Variants in AHNAK2 observed in about 807,000 individuals in gnomAD.
AHNAK2 encodes protein AHNAK2.
Under a neutral mutation model 30.7 loss-of-function variants are expected in AHNAK2, and 18 were observed. The observed-to-expected ratio is 0.59, with a 90% CI of 0.41 to 0.87. The LOEUF (loss-of-function observed/expected upper bound fraction) is 0.87, where lower values mean the gene tolerates loss of function less well. Ranked by LOEUF, AHNAK2 falls within the 40% of genes least tolerant of loss-of-function variation. The pLI is 0.00. For missense variants in AHNAK2, 8,604 were observed against 7,373.0 expected (o/e 1.17, Z -6.11); for synonymous variants, 3,590 against 3,073.8 (o/e 1.17, Z -5.56).
rs1897863273 is a variant in AHNAK2, at chr14:104,938,095, T to C, written c.17356A>G (p.Lys5786Glu). The part of the protein sequence containing the change: ...EQDRKADDES[K>E]GSGLGPNEG The stretch of plus-strand genomic sequence containing the variant: ...TCATTTGGTCCCAGGCCTGACCCTT[T>C]GCTTTCATCGTCAGCTTTTCTGTCC... The change falls in exon 7 of 7, where the codon AAA becomes GAA. Residue 5786 changes from lysine (K) to glutamate (E), a missense_variant. Lys to Glu is a moderately conservative substitution (Grantham distance 56). Coordinates refer to ENST00000333244, the MANE Select transcript of AHNAK2 (RefSeq NM_138420.4). The C allele has an allele frequency of 4.3e-6, 7 of 1,613,996 alleles. No homozygotes were observed. Among genetic ancestry groups the C allele is most frequent in the Non-Finnish European group, 5.9e-6 (7 of 1,179,874 alleles).
At position 104,969,600 on chromosome 14, in the gene AHNAK2, G is replaced by A. The variant is rs879639389; in HGVS notation, c.55+8583C>T. ...AAATGCTAGTGCAGGCAGTGCATGG[G>A]AAAAAGGAAGGAGCTTGTCAGATCT... On this transcript the variant is annotated intron_variant, in intron 1 of 6. Transcript: ENST00000333244. 2.2e-4 allele frequency among the ~76,000 whole-genome samples: 34 copies of A among 152,212 alleles called. 1 individual carries two copies. Among genetic ancestry groups the A allele is most frequent in the Admixed American group, 1.2e-3 (19 of 15,286 alleles).
intron 1 of AHNAK2, among the ~76,000 whole-genome samples, chr14:104,968,827 G>A (rs745707669): frequency 1.6e-4 from 24 of 152,214 alleles, no homozygotes; most frequent in East Asian, 5.8e-4. Context: ...GTGCTAGGGC[G>A]TGTGTGCACT....
At chr14:104,974,707 A>C (rs1463510980) in intron 1 of AHNAK2, among the ~76,000 whole-genome samples, 1 of 152,206 alleles carries the variant, frequency 6.6e-6, no homozygotes, top group Admixed American at 6.5e-5. Context: ...GAGACCCAGA[A>C]GGATGGGTGA....
intron 1 of AHNAK2, among the ~76,000 whole-genome samples, chr14:104,974,519 C>A (rs1277987650): frequency 2.0e-5 from 3 of 152,248 alleles, no homozygotes; most frequent in African/African-American, 7.2e-5. Flanking sequence ...TTTTTCATGA[C>A]CAGTCCCGGT....
In AHNAK2 at chr14:104,952,928, TG is replaced by T; in HGVS notation, c.2522del (p.Pro841HisfsTer27). ...TGCCTGGGGCCGACACCCCGAATGA[TG>T]GCATCTTGAACTTGGGCATTTTGAA... is the stretch of plus-strand genomic sequence containing the variant. ...SKFKMPKFKM[P>X]SFGVSAPGKS... On this transcript the variant is annotated frameshift_variant, in exon 7 of 7. Coordinates refer to ENST00000333244, the MANE Select transcript of AHNAK2 (RefSeq NM_138420.4). LOFTEE classifies it low-confidence loss of function (END_TRUNC). 1 of 1,607,158 alleles carries T rather than the reference TG, an allele frequency of 6.2e-7. No homozygotes were observed. The highest frequency in any genetic ancestry group is 2.3e-5 in the East Asian group (1 of 44,356).
Position 104,940,536 on chromosome 14 carries a change from C to T in AHNAK2, c.14915G>A (p.Gly4972Glu), listed in dbSNP as rs753554427. Residue 4972 changes from glycine (G) to glutamate (E), a missense_variant, in exon 7 of 7, where the codon GGG becomes GAG. Transcript: ENST00000333244. The surrounding 1 kb of genome is among the most constrained non-coding windows in gnomAD (Gnocchi z 4.4). ...SFRWSPKKET[G>E]PKVDPECSVE... ...GCTGCATTCTGGGTCCACCTTTGGC[C>T]CTGTTTCCTTCTTCGGGGACCACCT... 2 of 1,613,730 alleles carry T rather than the reference C, an allele frequency of 1.2e-6. No homozygotes were observed. Among genetic ancestry groups the T allele is most frequent in the Non-Finnish European group, 1.7e-6 (2 of 1,179,850 alleles).
intron 1 of AHNAK2, among the ~76,000 whole-genome samples, chr14:104,961,317 A>G (rs537877241): frequency 6.6e-5 from 10 of 151,768 alleles, no homozygotes; most frequent in Non-Finnish European, 1.3e-4. Flanking sequence ...GATCAAAACC[A>G]TCCTGGCTAA....
In AHNAK2 at chr14:104,941,662, C is replaced by G. The variant is rs371042906; in HGVS notation, c.13789G>C (p.Asp4597His). ...VEVSLPSVET[D>H]VQAPGSMLDG... ...AGCATGGATCCTGGGGCCTGGACAT[C>G]CGTCTCCACGCTGGGCAGAGACACC... Residue 4597 changes from aspartate (D) to histidine (H), a missense_variant, in exon 7 of 7, where the codon GAT becomes CAT. Asp to His is a moderately conservative substitution (Grantham distance 81). Coordinates refer to ENST00000333244, the MANE Select transcript of AHNAK2 (RefSeq NM_138420.4). The G allele has an allele frequency of 8.7e-5, 141 of 1,613,500 alleles. No homozygotes were observed. Among genetic ancestry groups the G allele is most frequent in the Admixed American group, 3.3e-4 (20 of 59,982 alleles).
Position 104,940,559 on chromosome 14 carries a change from C to T in AHNAK2, c.14892G>A (p.Arg4964=), listed in dbSNP as rs748033982. ...GCCCTGTTTCCTTCTTCGGGGACCA[C>T]CTAAATGATGGAAGCTTAATCTTAG... ...KMPKIKLPSF[R]WSPKKETGPK... is the part of the protein sequence containing the mutation. Residue 4964 remains arginine (R), a synonymous_variant, in exon 7 of 7, where the codon AGG becomes AGA. Coordinates refer to ENST00000333244, the MANE Select transcript of AHNAK2 (RefSeq NM_138420.4). This position sits in a 1 kb window ranked among gnomAD's most constrained non-coding sequence, Gnocchi z 4.4. 1 of 1,613,742 alleles carries T rather than the reference C, an allele frequency of 6.2e-7. No homozygotes were observed. The highest frequency in any genetic ancestry group is 8.5e-7 in the Non-Finnish European group (1 of 1,179,842).
intron 1 of AHNAK2, among the ~76,000 whole-genome samples, chr14:104,972,595 C>T (rs1378469807): frequency 8.5e-5 from 13 of 152,250 alleles, no homozygotes; most frequent in East Asian, 1.9e-4. Context: ...GCGCTGGCCA[C>T]GCAAGCCCTT....
Position 104,951,552 on chromosome 14 carries a change from G to C in AHNAK2, c.3899C>G (p.Ala1300Gly). ...SLPSVEVDMQ[A>G]PGAKLDGAQL... ...TGCGCCATCCAACTTGGCTCCCGGG[G>C]CCTGCATGTCCACCTCCACACTGGG... Residue 1300 changes from alanine to glycine, a missense_variant, in exon 7 of 7, where the codon GCC becomes GGC. By Grantham distance (60) the Ala-to-Gly change is moderately conservative. Transcript: ENST00000333244. 8.0e-7 allele frequency: 1 copy of C among 1,248,118 alleles called. No individual in the cohort carries two copies. Among genetic ancestry groups the C allele is most frequent in the Middle Eastern group, 2.5e-4 (1 of 4,006 alleles). The allele number at this position is 1,248,118 out of a possible 1,614,324, so 77.3% of individuals were successfully genotyped here. A position where few individuals can be genotyped will look rare whatever the true frequency, so the allele number is the denominator to read the frequency against.
rs535896026 is a variant in AHNAK2, at chr14:104,952,258, T to G, written c.3193A>C (p.Lys1065Gln). Residue 1065 changes from lysine (K) to glutamine (Q), a missense_variant, in exon 7 of 7, where the codon AAG (lysine) becomes CAG (glutamine). Physicochemically the swap from Lys to Gln is moderately conservative, Grantham distance 53. Transcript: ENST00000333244. Reference sequence around the variant, plus strand: ...TCGGGCAGGTGGCCCTCCGGGAGCTTCACATCCACCTGGTCAGCCTGGACC... The same window carrying G: ...TCGGGCAGGTGGCCCTCCGGGAGCTGCACATCCACCTGGTCAGCCTGGACC... ...LKVQADQVDV[K>Q]LPEGHLPEGA... 30 of 1,612,182 alleles carry G rather than the reference T, an allele frequency of 1.9e-5. No homozygotes were observed. The highest frequency in any genetic ancestry group is 1.6e-4 in the Middle Eastern group (1 of 6,066).
rs772507235 is a variant in AHNAK2, at chr14:104,947,484, G to A, written c.7967C>T (p.Pro2656Leu). The A allele has an allele frequency of 1.2e-6, 2 of 1,612,516 alleles. No individual in the cohort carries two copies. Among genetic ancestry groups the A allele is most frequent in the South Asian group, 2.2e-5 (2 of 91,010 alleles). Residue 2656 changes from proline to leucine, a missense_variant, in exon 7 of 7, where the codon CCA (proline) becomes CTA (leucine). Transcript: ENST00000333244. ...SKFKMPKFKM[P>L]SFRVSAPGES... is the part of the protein sequence containing the mutation. ...GCCTGGGGCCGACACCCTGAATGATGGCATCTTGAACTTGGGCATTTTGAA... is the reference window on the plus strand; with the variant it reads ...GCCTGGGGCCGACACCCTGAATGATAGCATCTTGAACTTGGGCATTTTGAA...
rs751650445 is a variant in AHNAK2 at position 104,945,151 on chromosome 14, C to T, written c.10300G>A (p.Val3434Met). The T allele has an allele frequency of 1.1e-5, 17 of 1,613,242 alleles. 1 individual carries two copies. In the African/African-American group the frequency reaches 1.7e-4, roughly 17 times the overall value. The change falls in exon 7 of 7, where the codon GTG (valine) becomes ATG (methionine). Residue 3434 changes from valine to methionine, a missense_variant. Val to Met is a conservative substitution (Grantham distance 21). Transcript: ENST00000333244. ...TCCACCTCCACGCTGGGCAGAGACACCTCCACATCAGGGACTGTCACTTCC... is the reference window on the plus strand; with the variant it reads ...TCCACCTCCACGCTGGGCAGAGACATCTCCACATCAGGGACTGTCACTTCC... ...KAEVTVPDVE[V>M]SLPSVEVDVQ...
chr14:104,954,126 G>T lies in AHNAK2; in HGVS notation c.1325C>A (p.Pro442Gln). ...ACCCTCCCGGCTCATTCCAGGAGTT[G>T]GCTGGGCCCTGGGCTTCCTCTGGGC... ...AVAQRKPRAQPTPGMSREGEG... is the reference protein window; with the variant it reads ...AVAQRKPRAQQTPGMSREGEG... Residue 442 changes from proline to glutamine, a missense_variant, in exon 7 of 7, where the codon CCA (proline) becomes CAA (glutamine). Pro to Gln is a moderately conservative substitution (Grantham distance 76). Coordinates refer to ENST00000333244, the MANE Select transcript of AHNAK2 (RefSeq NM_138420.4). This position sits in a 1 kb window ranked among gnomAD's most constrained non-coding sequence, Gnocchi z 4.3. The T allele has an allele frequency of 6.2e-7, 1 of 1,611,792 alleles. No homozygotes were observed. The highest frequency in any genetic ancestry group is 8.5e-7 in the Non-Finnish European group (1 of 1,179,862).
chr14:104,975,718 T>C lies in AHNAK2; in HGVS notation c.55+2465A>G, dbSNP rs894027. 2.3e-3 allele frequency among the ~76,000 whole-genome samples: 354 copies of C among 152,214 alleles called. 3 individuals are homozygous for C. The highest frequency in any genetic ancestry group is 8.2e-3 in the African/African-American group (341 of 41,532). ...GAATGGGAATACAGCCCTCCCCCAG[T>C]GTAGATGACCCAGTCAGGGAGACAC... On this transcript the variant is annotated intron_variant, in intron 1 of 6. Transcript: ENST00000333244.
chr14:104,948,099 A>G lies in AHNAK2; in HGVS notation c.7352T>C (p.Val2451Ala). The change falls in exon 7 of 7, where the codon GTG becomes GCG. Residue 2451 changes from valine to alanine, a missense_variant. Transcript: ENST00000333244. ...CTTGGCTCCCGGGGCCTCGACATCC[A>G]CCTCCACGCTGGGCTGAGACACCTC... ...DVEVSQPSVE[V>A]DVEAPGAKLD... 1.9e-6 allele frequency: 3 copies of G among 1,611,216 alleles called. No individual in the cohort carries two copies. The highest frequency in any genetic ancestry group is 2.5e-6 in the Non-Finnish European group (3 of 1,179,336).
At position 104,965,172 on chromosome 14, in the gene AHNAK2, C is replaced by T. The variant is rs549432341; in HGVS notation, c.56-7500G>A. Among the ~76,000 whole-genome samples, 4 of 152,134 alleles carry T rather than the reference C, an allele frequency of 2.6e-5. No homozygotes were observed. The East Asian group carries it at 7.7e-4, about 29-fold the overall frequency. ...GGAAGCCAAAAGATAGGACGGACGCCCCGATGGATAATCCAAGTATTTTTG... is the reference window on the plus strand; with the variant it reads ...GGAAGCCAAAAGATAGGACGGACGCTCCGATGGATAATCCAAGTATTTTTG... On this transcript the variant is annotated intron_variant, in intron 1 of 6. Transcript: ENST00000333244.
At chr14:104,957,125 C>A (rs1389012974) in intron 3 of AHNAK2, among the ~76,000 whole-genome samples, 2 of 152,232 alleles carry the variant, frequency 1.3e-5, no homozygotes, top group African/African-American at 4.8e-5. Flanking sequence ...CAGGGATGCA[C>A]ACACCCTGTG....
Sources: allele counts gnomAD v4.1 joint callset (sites outside exome capture counted in the v4.1 genomes callset), GRCh38; gene constraint gnomAD v4.1.1; non-coding constraint Gnocchi (gnomAD v3.1); transcripts MANE v1.5; gene names NCBI Gene and HGNC (gene_info 2026-07-23, HGNC 2026-07-21).